RIF1: variants seen among roughly 807,000 people sequenced by gnomAD.
The protein encoded by RIF1 is telomere-associated protein RIF1.
Under a neutral mutation model 247.1 loss-of-function variants are expected in RIF1, and 45 were observed. That is an observed-to-expected ratio of 0.18 (90% CI 0.14 to 0.23). The LOEUF (loss-of-function observed/expected upper bound fraction) is 0.23, where lower values mean the gene tolerates loss of function less well. RIF1 is among the 10% of genes least tolerant of loss of function. RIF1 has a pLI of 1.00. For missense variants in RIF1, 2,967 were observed against 2,862.5 expected (o/e 1.04, Z -0.83); for synonymous variants, 1,087 against 978.8 (o/e 1.11, Z -2.06).
At chr2:151,508,293 A>T (rs1242517156), downstream of RIF1, among the ~76,000 whole-genome samples, 6 of 152,230 alleles carry the variant, frequency 3.9e-5, no homozygotes, top group African/African-American at 1.2e-4. Flanking sequence ...AAAGAGCACC[A>T]TACTTTTTCT....
In RIF1 at chr2:151,474,873, T is replaced by G; in HGVS notation, c.7221T>G (p.Val2407=). The change falls in exon 36 of 36, where the codon GTT becomes GTG. Residue 2407 remains valine, a synonymous_variant. Coordinates refer to ENST00000444746, the MANE Select transcript of RIF1 (RefSeq NM_018151.5). ...ERLVSDIIDP[V]ALEIPLSKNL... is the part of the protein sequence containing the mutation. ...CTCTTTTAGATATAATTGATCCTGT[T>G]GCTTTAGAAATTCCATTATCCAAAA... The G allele has an allele frequency of 6.4e-7, 1 of 1,564,204 alleles. No homozygotes were observed. The highest frequency in any genetic ancestry group is 2.2e-5 in the East Asian group (1 of 44,500).
At chr2:151,506,237 A>G in exon 13 of RIF1, 1 of 1,613,364 alleles carries the variant, frequency 6.2e-7, no homozygotes, top group Middle Eastern at 1.6e-4. Context: ...GTTCCTGGTG[A>G]GACATCCTCT....
the RIF1 span, among the ~76,000 whole-genome samples, chr2:151,522,175 T>C: frequency 6.6e-6 from 1 of 152,184 alleles, no homozygotes; most frequent in African/African-American, 2.4e-5. Flanking sequence ...AGGAGTTTAA[T>C]TGTATTTGAA....
intron 7 of RIF1, among the ~76,000 whole-genome samples, chr2:151,421,220 C>G (rs1045831918): frequency 4.5e-4 from 68 of 152,232 alleles, no homozygotes; most frequent in African/African-American, 1.6e-3. Context: ...TAATTAAGTA[C>G]ATAGTGTAGT....
chr2:151,501,475 G>A (rs779173742), intron 11 of RIF1: 3 of 1,505,712 alleles, frequency 2.0e-6, no homozygotes, highest in Non-Finnish European at 2.7e-6. Context: ...AGTTCTCTTT[G>A]TACAATATCT....
In RIF1 at chr2:151,451,716, A is replaced by AT. The variant is rs571205081; in HGVS notation, c.2344+17dup. On this transcript the variant is annotated intron_variant, in intron 21 of 35. Coordinates refer to ENST00000444746, the MANE Select transcript of RIF1 (RefSeq NM_018151.5). Reference sequence around the variant, plus strand: ...AGCCCAAAGTTAAATGTAAGTATGTATTTTTTAACCTTTGTTTGTCCAGTA... The same window carrying AT: ...AGCCCAAAGTTAAATGTAAGTATGTATTTTTTTAACCTTTGTTTGTCCAGTA... 1.1e-4 allele frequency: 146 copies of AT among 1,308,890 alleles called. 2 individuals carry two copies. In the African/African-American group the frequency reaches 1.8e-3, roughly 16 times the overall value. The allele number at this position is 1,308,890 out of a possible 1,614,324, so 81.1% of individuals were successfully genotyped here. A position where few individuals can be genotyped will look rare whatever the true frequency, so the allele number is the denominator to read the frequency against.
chr2:151,506,353 A>T lies in RIF1; in HGVS notation c.*1005A>T. The T allele has an allele frequency of 3.3e-6, 3 of 908,292 alleles. No homozygotes were observed. The South Asian group carries it at 4.8e-5, about 14-fold the overall frequency. The allele number at this position is 908,292 out of a possible 1,614,324, so 56.3% of individuals were successfully genotyped here. A position where few individuals can be genotyped will look rare whatever the true frequency, so the allele number is the denominator to read the frequency against. Reference sequence around the variant, plus strand: ...TAGGACACATGGCTTTTGTGAAAACAAGACACTAGACGATGTTCCCAGGCA... The same window carrying T: ...TAGGACACATGGCTTTTGTGAAAACTAGACACTAGACGATGTTCCCAGGCA... On this transcript the variant is annotated 3_prime_UTR_variant and NMD_transcript_variant, in exon 13 of 14. Transcript: ENST00000454583.
chr2:151,410,458 T>C lies in RIF1; in HGVS notation c.35T>C (p.Leu12Pro). Residue 12 changes from leucine (L) to proline (P), a missense_variant, in exon 2 of 36, where the codon CTG becomes CCG. Physicochemically the swap from Leu to Pro is moderately conservative, Grantham distance 98. Transcript: ENST00000444746. Reference sequence around the variant, plus strand: ...AGGGGTCAGAGCCCCCTCGCGCCGCTGTTGGAGACTTTGGAAGACCCTTCT... The same window carrying C: ...AGGGGTCAGAGCCCCCTCGCGCCGCCGTTGGAGACTTTGGAAGACCCTTCT... ...TARGQSPLAP[L>P]LETLEDPSAS... 8 of 1,614,072 alleles carry C rather than the reference T, an allele frequency of 5.0e-6. No homozygotes were observed. Among genetic ancestry groups the C allele is most frequent in the South Asian group, 1.1e-5 (1 of 91,022 alleles).
intron 11 of RIF1, among the ~76,000 whole-genome samples, chr2:151,500,261 A>T (rs1227608703): frequency 6.6e-6 from 1 of 152,162 alleles, no homozygotes; most frequent in Non-Finnish European, 1.5e-5. Flanking sequence ...TCAAAGAATC[A>T]AACTTTTAGA....
At chr2:151,527,153 T>G in the RIF1 span, 2 of 657,918 alleles carry the variant, frequency 3.0e-6, no homozygotes, top group East Asian at 5.4e-5. Flanking sequence ...GGAGAAGAGC[T>G]TCTTGGTCCC....
At chr2:151,521,239 A>G in the RIF1 span, among the ~76,000 whole-genome samples, 21 of 152,232 alleles carry the variant, frequency 1.4e-4, no homozygotes, top group Admixed American at 1.3e-4. Flanking sequence ...TGCATTCACA[A>G]TGCTGAGACT....
chr2:151,451,966 A>G (rs1694387218), intron 21 of RIF1, among the ~76,000 whole-genome samples: 2 of 152,184 alleles, frequency 1.3e-5, no homozygotes, highest in Admixed American at 6.6e-5. Context: ...GATAAATACT[A>G]TTCTAATTAG....
chr2:151,438,913 CTG>C (rs1691743027), intron 14 of RIF1, among the ~76,000 whole-genome samples, 167 bp downstream of exon 14: 1 of 152,208 alleles, frequency 6.6e-6, no homozygotes, highest in Admixed American at 6.5e-5. Flanking sequence ...TTGAAGAACA[CTG>C]GGGTTAGGTG....
At chr2:151,496,780 G>GTGTT (rs1574968389) in intron 10 of RIF1, among the ~76,000 whole-genome samples, 1 of 152,146 alleles carries the variant, frequency 6.6e-6, no homozygotes, top group Non-Finnish European at 1.5e-5. Context: ...TATGGAAATG[G>GTGTT]TGTTAGGCTA....
chr2:151,503,848 G>T (rs1221508489), intron 12 of RIF1, among the ~76,000 whole-genome samples: 1 of 152,056 alleles, frequency 6.6e-6, no homozygotes, highest in Non-Finnish European at 1.5e-5. Context: ...ATTCCTTCAG[G>T]CTTATTGAGA....
intron 9 of RIF1, 53 bp downstream of exon 9, chr2:151,428,975 CAAG>C: frequency 1.7e-6 from 2 of 1,166,578 alleles, no homozygotes; most frequent in African/African-American, 1.6e-5. Flanking sequence ...TTGCTTAAAG[CAAG>C]ATAAATGAAG....
Position 151,462,336 on chromosome 2 carries a change from C to G in RIF1, c.3308+14C>G. 6.5e-7 allele frequency: 1 copy of G among 1,526,864 alleles called. No homozygotes were observed. The highest frequency in any genetic ancestry group is 2.3e-5 in the East Asian group (1 of 43,604). The allele number at this position is 1,526,864 out of a possible 1,614,324, so 94.6% of individuals were successfully genotyped here. On this transcript the variant is annotated intron_variant, in intron 28 of 35. Coordinates refer to ENST00000444746, the MANE Select transcript of RIF1 (RefSeq NM_018151.5). ...GGAAGAGCCTATGTAAGTACAGAAG[C>G]CATCAAACTTTTATATCTGTTTTAT... is the stretch of plus-strand genomic sequence containing the variant.
chr2:151,409,940 G>C lies in RIF1; in HGVS notation c.-104G>C, dbSNP rs1051648840. 2.9e-6 allele frequency: 2 copies of C among 701,022 alleles called. No homozygotes were observed. Among genetic ancestry groups the C allele is most frequent in the Non-Finnish European group, 5.2e-6 (2 of 384,296 alleles). 43.4% of individuals were successfully genotyped at this position (701,022 alleles called of 1,614,324 possible). A position where few individuals can be genotyped will look rare whatever the true frequency, so the allele number is the denominator to read the frequency against. On this transcript the variant is annotated 5_prime_UTR_variant, in exon 1 of 36. Transcript: ENST00000444746. ...GTCTAGGAGGGAGCGCGCCGCACGC[G>C]TGAGTAAACAGCCGGAGCTGGGAAA...
rs2049033825 is a variant in RIF1, at chr2:151,478,449, G to A, written c.*3378G>A. The stretch of plus-strand genomic sequence containing the variant: ...TGCAGTGAGCCGAGATCATGCCATT[G>A]CGCGACAGAGCAAGTCTCTGTCTCG... On this transcript the variant is annotated 3_prime_UTR_variant, in exon 36 of 36. Coordinates refer to ENST00000444746, the MANE Select transcript of RIF1 (RefSeq NM_018151.5). 6.6e-6 allele frequency: 1 copy of A among 150,736 alleles called. No homozygotes were observed. The highest frequency in any genetic ancestry group is 2.4e-5 in the African/African-American group (1 of 40,922). The allele number at this position is 150,736 out of a possible 1,614,324, so 9.3% of individuals were successfully genotyped here. A position where few individuals can be genotyped will look rare whatever the true frequency, so the allele number is the denominator to read the frequency against.
Sources: gnomAD v4.1 joint callset for allele counts (sites outside exome capture counted in the v4.1 genomes callset) on GRCh38, gnomAD v4.1.1 for gene constraint, MANE v1.5 for transcripts, NCBI Gene and HGNC (gene_info 2026-07-23, HGNC 2026-07-21) for gene names.